UNC79: variants seen among roughly 807,000 people sequenced by gnomAD.
UNC79 encodes the protein protein unc-79 homolog.
A neutral mutation model predicts 283.1 loss-of-function variants in UNC79; 37 were observed. That is an observed-to-expected ratio of 0.13 (90% CI 0.10 to 0.17). UNC79 has a LOEUF of 0.17. UNC79 is among the 10% of genes least tolerant of loss of function. The pLI, the probability that UNC79 is intolerant of heterozygous loss-of-function variation, is 1.00. For synonymous variants in UNC79, 1,107 were observed against 1,200.2 expected (o/e 0.92, Z 1.61); for missense variants, 2,272 against 3,211.1 (o/e 0.71, Z 7.07).
chr14:93,445,051 G>A (rs1305141450), intron 1 of UNC79, among the ~76,000 whole-genome samples: 1 of 152,020 alleles, frequency 6.6e-6, no homozygotes, highest in Non-Finnish European at 1.5e-5. Flanking sequence ...TTATTCCTAA[G>A]TATTTTTGTG....
At chr14:93,509,370 T>C (rs893884643) in intron 7 of UNC79, among the ~76,000 whole-genome samples, 2 of 152,154 alleles carry the variant, frequency 1.3e-5, no homozygotes, top group African/African-American at 4.8e-5. Context: ...CCCAACAGTC[T>C]TCCAAAGTCT....
At chr14:93,392,211 T>A (rs1326716408) in intron 1 of UNC79, among the ~76,000 whole-genome samples, 1 of 152,194 alleles carries the variant, frequency 6.6e-6, no homozygotes, top group East Asian at 1.9e-4. Context: ...AAAGAAGTCT[T>A]TGATATTTGT....
intron 1 of UNC79, among the ~76,000 whole-genome samples, chr14:93,404,548 T>C (rs1367952663): frequency 7.7e-6 from 1 of 130,018 alleles, no homozygotes; most frequent in African/African-American, 2.8e-5. Context: ...TGTAATATAA[T>C]ATATATGTAA....
Position 93,477,735 on chromosome 14 carries a change from C to T in UNC79, c.619+7C>T. 1.2e-6 allele frequency: 2 copies of T among 1,605,778 alleles called. No homozygotes were observed. Among genetic ancestry groups the T allele is most frequent in the Non-Finnish European group, 1.7e-6 (2 of 1,176,428 alleles). On this transcript the variant is annotated splice_region_variant and intron_variant, in intron 4 of 48. Transcript: ENST00000555664. ...TTTCTACCAATGGCTATATGTAAGT[C>T]CAATCTTACCTAATACTAGATTATT...
At chr14:93,480,473 G>A (rs1459897511) in intron 4 of UNC79, among the ~76,000 whole-genome samples, 5 of 152,076 alleles carry the variant, frequency 3.3e-5, no homozygotes, top group African/African-American at 1.2e-4. Context: ...TTGTTGCTCT[G>A]GTTTTAGTCT....
chr14:93,360,370 C>T (rs1166621838), intron 1 of UNC79, among the ~76,000 whole-genome samples: 1 of 152,206 alleles, frequency 6.6e-6, no homozygotes, highest in Non-Finnish European at 1.5e-5. Flanking sequence ...CCTTCACATC[C>T]CCAGTCAACT....
At chr14:93,349,132 C>T (rs1034915054) in intron 1 of UNC79, among the ~76,000 whole-genome samples, 23 of 152,150 alleles carry the variant, frequency 1.5e-4, no homozygotes, top group African/African-American at 5.6e-4. Context: ...TCTGAAGGAA[C>T]AAACTCCGGA....
chr14:93,417,435 C>G (rs1416350596), intron 1 of UNC79, among the ~76,000 whole-genome samples: 2 of 152,142 alleles, frequency 1.3e-5, no homozygotes, highest in South Asian at 2.1e-4. Flanking sequence ...CCCGACCTTT[C>G]TCTCTGGCTG....
At chr14:93,506,064 G>A (rs1008733471) in intron 7 of UNC79, among the ~76,000 whole-genome samples, 1 of 151,458 alleles carries the variant, frequency 6.6e-6, no homozygotes, top group African/African-American at 2.4e-5. Context: ...TCCCCTTTTT[G>A]TATCTCTAAG....
chr14:93,673,357 G>A (rs762390747), exon 41 of UNC79: 2 of 1,612,048 alleles, frequency 1.2e-6, no homozygotes. Flanking sequence ...TTAGGAACGA[G>A]ATAAATTCTA....
chr14:93,397,342 C>T (rs532226023), intron 1 of UNC79: 1 of 152,302 alleles, frequency 6.6e-6, no homozygotes, highest in South Asian at 2.1e-4. Context: ...ATTCAGACAA[C>T]TTATCTGAAT....
chr14:93,334,281 C>T (rs2053526341), intron 1 of UNC79, among the ~76,000 whole-genome samples: 2 of 152,240 alleles, frequency 1.3e-5, no homozygotes, highest in Non-Finnish European at 2.9e-5. Flanking sequence ...AAAAGGATAG[C>T]TCTTTCCAAT....
chr14:93,474,207 A>G lies in UNC79; in HGVS notation c.262A>G (p.Ser88Gly). Residue 88 changes from serine to glycine, a missense_variant, in exon 3 of 49, where the codon AGT becomes GGT. Physicochemically the swap from Ser to Gly is moderately conservative, Grantham distance 56 (BLOSUM62 0). Coordinates refer to ENST00000555664, the Ensembl canonical transcript of UNC79. The surrounding 1 kb of genome is among the most constrained non-coding windows in gnomAD (Gnocchi z 4.1). ...CACCCCATCTCTAAGACCGCAGGTC[A>G]GTTCCATCAACCCTACTGTTACTCG... 1.3e-6 allele frequency: 2 copies of G among 1,536,090 alleles called. No individual in the cohort carries two copies. Among genetic ancestry groups the G allele is most frequent in the Non-Finnish European group, 1.7e-6 (2 of 1,146,888 alleles).
chr14:93,604,506 G>GAAT (rs2065746936), intron 26 of UNC79, among the ~76,000 whole-genome samples: 1 of 152,266 alleles, frequency 6.6e-6, no homozygotes, highest in Admixed American at 6.5e-5. Flanking sequence ...GATCATTTAA[G>GAAT]AATAGCCAGT....
rs1390744102 is a variant in UNC79 at position 93,623,407 on chromosome 14, A to G, written c.5608+566A>G. 2.0e-5 allele frequency among the ~76,000 whole-genome samples: 3 copies of G among 152,332 alleles called. No homozygotes were observed. In the East Asian group the frequency reaches 5.8e-4, roughly 29 times the overall value. On this transcript the variant is annotated intron_variant, in intron 30 of 48. Transcript: ENST00000555664. ...CCTAACCCACGGTCATCACTTGGTG[A>G]TGAAGTTATCACAGCCCATGGGTTT...
At chr14:93,660,559 ATATATGTGTG>A (rs1401989620) in intron 39 of UNC79, among the ~76,000 whole-genome samples, 28 of 86,786 alleles carry the variant, frequency 3.2e-4, no homozygotes, top group African/African-American at 1.1e-3. Context: ...ATATATATAT[ATATATGTGTG>A]TGTGTGTGTG....
intron 42 of UNC79, among the ~76,000 whole-genome samples, chr14:93,685,066 T>G (rs1277639479): frequency 6.6e-6 from 1 of 152,230 alleles, no homozygotes; most frequent in Non-Finnish European, 1.5e-5. Flanking sequence ...AAGATTCTCT[T>G]GACCATACAG....
intron 14 of UNC79, among the ~76,000 whole-genome samples, chr14:93,566,465 G>A (rs1324427435): frequency 6.6e-6 from 1 of 152,040 alleles, no homozygotes; most frequent in Non-Finnish European, 1.5e-5. Context: ...GCATGTTAAA[G>A]GTAAGGTACA....
chr14:93,703,808 T>C (rs913525392), intron 47 of UNC79, among the ~76,000 whole-genome samples: 9 of 152,180 alleles, frequency 5.9e-5, no homozygotes, highest in African/African-American at 2.2e-4. Context: ...GGAGTCCCCC[T>C]CCACCATTTA....
Sources: gnomAD v4.1 joint callset for allele counts (sites outside exome capture counted in the v4.1 genomes callset) on GRCh38, gnomAD v4.1.1 for gene constraint, Gnocchi (gnomAD v3.1) non-coding constraint, MANE v1.5 for transcripts, NCBI Gene and HGNC (gene_info 2026-07-23, HGNC 2026-07-21) for gene names.